The following COX7B2 variants were observed in gnomAD, a reference collection of about 807,000 sequenced individuals.
The protein encoded by COX7B2 is cytochrome c oxidase subunit 7B2.
For synonymous variants in COX7B2, 37 were observed against 32.1 expected, an observed-to-expected ratio of 1.15 and a Z score of -0.51; for missense variants, 109 against 95.9, an observed-to-expected ratio of 1.14 and a Z score of -0.57.
chr4:46,822,953 T>C (rs974310559), intron 2 of COX7B2, among the ~76,000 whole-genome samples: 1 of 152,170 alleles, frequency 6.6e-6, no homozygotes, highest in African/African-American at 2.4e-5. Context: ...AACTGAGGTC[T>C]CAATATAAAC....
intron 2 of COX7B2, among the ~76,000 whole-genome samples, chr4:46,786,705 A>G (rs986423768): frequency 4.6e-5 from 7 of 152,202 alleles, no homozygotes; most frequent in African/African-American, 1.7e-4. Context: ...CCTGCCTTTT[A>G]TAAAAAGCCT....
At chr4:46,807,198 A>G (rs1226366517) in intron 2 of COX7B2, among the ~76,000 whole-genome samples, 1 of 151,884 alleles carries the variant, frequency 6.6e-6, no homozygotes, top group East Asian at 1.9e-4. Flanking sequence ...TTTTTTTTAT[A>G]ATAGCCATCC....
chr4:46,882,306 G>A (rs1455616178), intron 1 of COX7B2, among the ~76,000 whole-genome samples: 1 of 152,120 alleles, frequency 6.6e-6, no homozygotes, highest in Admixed American at 6.5e-5. Flanking sequence ...AGGTCTATCA[G>A]ATCCATCTGG....
chr4:46,874,370 T>C (rs1718187769), intron 1 of COX7B2, among the ~76,000 whole-genome samples: 1 of 152,196 alleles, frequency 6.6e-6, no homozygotes, highest in Non-Finnish European at 1.5e-5. Flanking sequence ...TACAAGAGGT[T>C]CCCAAAGGAA....
At chr4:46,742,939 C>A (rs1714803532) in intron 2 of COX7B2, among the ~76,000 whole-genome samples, 2 of 152,128 alleles carry the variant, frequency 1.3e-5, no homozygotes, top group Admixed American at 6.5e-5. Context: ...TAGGCAGTTT[C>A]TTTTATGGAG....
At chr4:46,762,089 T>C (rs1716183356) in intron 2 of COX7B2, among the ~76,000 whole-genome samples, 1 of 150,388 alleles carries the variant, frequency 6.6e-6, no homozygotes, top group Non-Finnish European at 1.5e-5. Flanking sequence ...CATATGTATA[T>C]GAAGATAATA....
chr4:46,848,729 A>T (rs955508860), intron 1 of COX7B2, among the ~76,000 whole-genome samples: 3 of 152,012 alleles, frequency 2.0e-5, no homozygotes, highest in Non-Finnish European at 2.9e-5. Context: ...AATACACTTT[A>T]TCTATGTATA....
In COX7B2 at chr4:46,856,636, G is replaced by A. The variant is rs112680231; in HGVS notation, c.-104-11622C>T. Among the ~76,000 whole-genome samples the A allele has an allele frequency of 4.9e-3, 751 of 152,122 alleles. 6 individuals carry two copies. Among genetic ancestry groups the A allele is most frequent in the African/African-American group, 0.017 (699 of 41,494 alleles). On this transcript the variant is annotated intron_variant, in intron 1 of 2. Coordinates refer to ENST00000355591, the MANE Select transcript of COX7B2 (RefSeq NM_130902.3). ...ACTGCCCCTGCCCCAACCCCAAATA[G>A]AAACTACAGTTTTTCATCCTAGAAA...
chr4:46,892,106 C>T (rs1466138910), intron 1 of COX7B2, among the ~76,000 whole-genome samples: 1 of 152,132 alleles, frequency 6.6e-6, no homozygotes, highest in Non-Finnish European at 1.5e-5. Context: ...AAGATGATCA[C>T]CTTTCTTCCC....
chr4:46,736,959 A>G (rs1714404477), intron 2 of COX7B2, among the ~76,000 whole-genome samples: 1 of 152,162 alleles, frequency 6.6e-6, no homozygotes, highest in Admixed American at 6.5e-5. Context: ...ATTTTTAACT[A>G]ATTTAGGTAA....
intron 2 of COX7B2, among the ~76,000 whole-genome samples, chr4:46,738,607 T>C (rs573832650): frequency 6.6e-6 from 1 of 152,212 alleles, no homozygotes; most frequent in East Asian, 1.9e-4. Context: ...TTTAAACCCA[T>C]ATTACATACC....
intron 1 of COX7B2, among the ~76,000 whole-genome samples, chr4:46,853,568 A>G: frequency 6.6e-6 from 1 of 152,138 alleles, no homozygotes; most frequent in East Asian, 1.9e-4. Flanking sequence ...TATCCAGTCA[A>G]GATAATGTTT....
intron 1 of COX7B2, among the ~76,000 whole-genome samples, chr4:46,861,080 G>A (rs779111541): frequency 2.0e-5 from 3 of 152,168 alleles, no homozygotes; most frequent in African/African-American, 4.8e-5. Flanking sequence ...AGTCCTACCC[G>A]AGGGGGTTCA....
At chr4:46,832,509 G>A (rs1051645588) in intron 2 of COX7B2, among the ~76,000 whole-genome samples, 2 of 152,072 alleles carry the variant, frequency 1.3e-5, no homozygotes, top group African/African-American at 4.8e-5. Flanking sequence ...AGTTCCATAG[G>A]CATATTTAAA....
chr4:46,820,452 C>T (rs528915962), intron 2 of COX7B2, among the ~76,000 whole-genome samples: 3 of 152,286 alleles, frequency 2.0e-5, no homozygotes, highest in South Asian at 2.1e-4. Context: ...TAGTTCCTAA[C>T]AGGCCATGGG....
intron 2 of COX7B2, among the ~76,000 whole-genome samples, chr4:46,780,125 T>C (rs1367673290): frequency 6.6e-6 from 1 of 152,178 alleles, no homozygotes; most frequent in Non-Finnish European, 1.5e-5. Flanking sequence ...ATAAGCTTGA[T>C]TAGATTCAAT....
intron 2 of COX7B2, among the ~76,000 whole-genome samples, chr4:46,800,663 C>G (rs1203517763): frequency 2.0e-5 from 3 of 151,994 alleles, no homozygotes; most frequent in African/African-American, 7.3e-5. Flanking sequence ...TGAAGAAAAC[C>G]TGAGAAATAT....
At chr4:46,884,542 C>T (rs972053002) in intron 1 of COX7B2, among the ~76,000 whole-genome samples, 1 of 152,076 alleles carries the variant, frequency 6.6e-6, no homozygotes, top group African/African-American at 2.4e-5. Context: ...TAGTATAACA[C>T]AGAAATCAGA....
At chr4:46,798,311 G>A (rs540988738) in intron 2 of COX7B2, among the ~76,000 whole-genome samples, 8 of 152,234 alleles carry the variant, frequency 5.3e-5, no homozygotes, top group African/African-American at 1.9e-4. Flanking sequence ...GGATTTGGGA[G>A]GCAATATTTT....
Sources: gnomAD v4.1 joint callset for allele counts (sites outside exome capture counted in the v4.1 genomes callset) on GRCh38, gnomAD v4.1.1 for gene constraint, MANE v1.5 for transcripts, NCBI Gene and HGNC (gene_info 2026-07-23, HGNC 2026-07-21) for gene names.